The following MARCHF10 variants were observed in gnomAD, a reference collection of about 807,000 sequenced individuals.
MARCHF10 encodes the protein membrane associated ring-CH-type finger 10.
MARCHF10 carries 64 observed loss-of-function variants against 76.2 expected under a neutral mutation model. That is an observed-to-expected ratio of 0.84 (90% CI 0.69 to 1.03). MARCHF10 has a LOEUF of 1.03. Ranked by LOEUF, MARCHF10 falls within the 50% of genes least tolerant of loss-of-function variation. The probability of loss-of-function intolerance (pLI) is 0.00; values close to 1 mark genes in which losing one functional copy is unlikely to be tolerated. For synonymous variants in MARCHF10, 340 were observed against 357.5 expected, an observed-to-expected ratio of 0.95 and a Z score of 0.55; for missense variants, 875 against 958.0, an observed-to-expected ratio of 0.91 and a Z score of 1.14.
chr17:62,740,079 T>TGC (rs920730305), intron 5 of MARCHF10, among the ~76,000 whole-genome samples: 2 of 77,964 alleles, frequency 2.6e-5, no homozygotes, highest in African/African-American at 7.4e-5. Context: ...TGTGTGTGTG[T>TGC]GTGCGTGTGT....
chr17:62,759,633 T>G (rs1040531049), intron 4 of MARCHF10, among the ~76,000 whole-genome samples: 1 of 151,940 alleles, frequency 6.6e-6, no homozygotes, highest in African/African-American at 2.4e-5. Context: ...ATTATACCTG[T>G]TTAATTTTTG....
chr17:62,793,403 T>TCAC (rs1334926132), intron 2 of MARCHF10, among the ~76,000 whole-genome samples: 1 of 89,122 alleles, frequency 1.1e-5, no homozygotes, highest in South Asian at 4.3e-4. Context: ...ACGACCTCCA[T>TCAC]CACCACCACC....
intron 3 of MARCHF10, among the ~76,000 whole-genome samples, chr17:62,782,939 G>C (rs1403264070): frequency 6.6e-6 from 1 of 152,128 alleles, no homozygotes; most frequent in Non-Finnish European, 1.5e-5. Flanking sequence ...ATCCCCCAAA[G>C]AATATCTCTA....
At chr17:62,764,983 A>G (rs4968741) in intron 3 of MARCHF10, among the ~76,000 whole-genome samples, 75,476 of 151,998 alleles carry the variant, frequency 0.5, 20,289 homozygotes, top group East Asian at 0.7. Context: ...CCCTATCTGA[A>G]GACGTGGCTG....
intron 7 of MARCHF10, among the ~76,000 whole-genome samples, chr17:62,723,547 T>G (rs1477239319): frequency 6.7e-6 from 1 of 150,054 alleles, no homozygotes; most frequent in East Asian, 2.0e-4. Context: ...TATCTGCATT[T>G]TGTTCGCTTG....
chr17:62,779,760 T>C (rs1332955054), intron 3 of MARCHF10, among the ~76,000 whole-genome samples: 1 of 152,246 alleles, frequency 6.6e-6, no homozygotes, highest in African/African-American at 2.4e-5. Context: ...GCCACAGAAC[T>C]TTCTGCAGTG....
chr17:62,773,297 G>A (rs751207997), intron 3 of MARCHF10, among the ~76,000 whole-genome samples: 1 of 152,154 alleles, frequency 6.6e-6, no homozygotes, highest in Non-Finnish European at 1.5e-5. Flanking sequence ...ATGGACAGCT[G>A]CTGTGAGGTC....
chr17:62,772,766 G>A (rs185663746), intron 3 of MARCHF10, among the ~76,000 whole-genome samples: 2 of 152,176 alleles, frequency 1.3e-5, no homozygotes, highest in Admixed American at 6.5e-5. Context: ...TTTCATCTAC[G>A]AATGCAGGCA....
chr17:62,791,221 A>T (rs2092836561), intron 2 of MARCHF10, among the ~76,000 whole-genome samples: 1 of 152,216 alleles, frequency 6.6e-6, no homozygotes. Flanking sequence ...TTGTTGTTCC[A>T]ATCCTTTTAC....
At chr17:62,805,921 TAATA>T in intron 1 of MARCHF10, among the ~76,000 whole-genome samples, 1 of 149,190 alleles carries the variant, frequency 6.7e-6, no homozygotes, top group East Asian at 1.9e-4. Context: ...AAAAAAATAA[TAATA>T]ATAATAATAA....
intron 9 of MARCHF10, among the ~76,000 whole-genome samples, chr17:62,708,939 A>C (rs1197394377): frequency 6.6e-6 from 1 of 152,222 alleles, no homozygotes; most frequent in Non-Finnish European, 1.5e-5. Flanking sequence ...GGAAGAGCTT[A>C]TGTTGTCAAA....
chr17:62,723,165 C>T (rs1475863317), intron 7 of MARCHF10, among the ~76,000 whole-genome samples: 3 of 151,108 alleles, frequency 2.0e-5, no homozygotes, highest in Non-Finnish European at 2.9e-5. Flanking sequence ...TCAGCCTGAG[C>T]TCAGACTCAT....
intron 2 of MARCHF10, among the ~76,000 whole-genome samples, chr17:62,793,300 C>A (rs1178199459): frequency 4.7e-5 from 7 of 147,454 alleles, no homozygotes; most frequent in African/African-American, 1.8e-4. Flanking sequence ...ACCACCACCA[C>A]CTCCATCACC....
intron 10 of MARCHF10, among the ~76,000 whole-genome samples, chr17:62,704,428 G>A (rs771060003): frequency 2.8e-4 from 43 of 152,328 alleles, no homozygotes; most frequent in Admixed American, 4.6e-4. Flanking sequence ...GGCTCCTTTT[G>A]TGGAAAAGAG....
intron 3 of MARCHF10, among the ~76,000 whole-genome samples, chr17:62,762,040 T>TAGCAGCAGC (rs759132039): frequency 3.9e-5 from 6 of 151,932 alleles, no homozygotes; most frequent in African/African-American, 1.2e-4. Context: ...TCAGCAGCAG[T>TAGCAGCAGC]AGCAGCAGCA....
Position 62,711,711 on chromosome 17 carries a change from G to A in MARCHF10, c.2215-367C>T, listed in dbSNP as rs745737736. ...CTGCTGGGAACCGATCACCTGGTGT[G>A]GGGGAGAGAGCTTCATCGGTAAACA... On this transcript the variant is annotated intron_variant, in intron 8 of 10. Transcript: ENST00000311269. The surrounding 1 kb of genome is among the most constrained non-coding windows in gnomAD (Gnocchi z 4.4). Among the ~76,000 whole-genome samples, 2 of 152,322 alleles carry A rather than the reference G, an allele frequency of 1.3e-5. No individual in the cohort carries two copies. Among genetic ancestry groups the A allele is most frequent in the South Asian group, 2.1e-4 (1 of 4,822 alleles).
At chr17:62,791,123 A>G (rs2092834771) in intron 2 of MARCHF10, among the ~76,000 whole-genome samples, 1 of 152,264 alleles carries the variant, frequency 6.6e-6, no homozygotes, top group Admixed American at 6.5e-5. Flanking sequence ...AACAAAACAA[A>G]CAAAAAACAC....
intron 3 of MARCHF10, among the ~76,000 whole-genome samples, chr17:62,783,191 C>T (rs887698344): frequency 7.2e-5 from 9 of 125,040 alleles, no homozygotes; most frequent in South Asian, 5.2e-4. Flanking sequence ...GGAAAAATTG[C>T]CAGTTTTTTT....
chr17:62,713,170 A>G (rs1330741701), intron 8 of MARCHF10, among the ~76,000 whole-genome samples: 5 of 151,982 alleles, frequency 3.3e-5, no homozygotes, highest in Non-Finnish European at 7.4e-5. Flanking sequence ...CTCACCAACA[A>G]AGCCTTGGTC....
Sources: allele counts gnomAD v4.1 joint callset (sites outside exome capture counted in the v4.1 genomes callset), GRCh38; gene constraint gnomAD v4.1.1; non-coding constraint Gnocchi (gnomAD v3.1); transcripts MANE v1.5; gene names NCBI Gene and HGNC (gene_info 2026-07-23, HGNC 2026-07-21).